The following SEMA3A variants were observed in gnomAD, a reference collection of about 807,000 sequenced individuals.
The protein encoded by SEMA3A is semaphorin 3A.
A neutral mutation model predicts 97.9 loss-of-function variants in SEMA3A; 29 were observed. The observed-to-expected ratio is 0.30, with a 90% CI of 0.22 to 0.40. The LOEUF (loss-of-function observed/expected upper bound fraction) is 0.40, where lower values mean the gene tolerates loss of function less well. SEMA3A is among the 10% of genes least tolerant of loss of function. The pLI is 1.00. For missense variants in SEMA3A, 763 were observed against 951.3 expected, an observed-to-expected ratio of 0.80 and a Z score of 2.60; for synonymous variants, 321 against 323.7, an observed-to-expected ratio of 0.99 and a Z score of 0.09.
intron 1 of SEMA3A, among the ~76,000 whole-genome samples, chr7:84,391,496 C>T (rs1256848140): frequency 1.3e-5 from 2 of 152,020 alleles, no homozygotes; most frequent in African/African-American, 4.8e-5. Context: ...AAAAATACCT[C>T]CCTCAGTGAT....
chr7:84,166,305 G>A (rs1797203705), intron 1 of SEMA3A, among the ~76,000 whole-genome samples: 1 of 151,304 alleles, frequency 6.6e-6, no homozygotes, highest in Non-Finnish European at 1.5e-5. Flanking sequence ...CGGGCGCAGT[G>A]GCTCACACCT....
At chr7:84,008,309 G>T (rs2116404636) in intron 9 of SEMA3A, among the ~76,000 whole-genome samples, 1 of 152,092 alleles carries the variant, frequency 6.6e-6, no homozygotes, top group East Asian at 1.9e-4. Flanking sequence ...GGCTAACACG[G>T]TGAAACCCCG....
At chr7:84,484,145 T>C (rs1206608713) in intron 1 of SEMA3A, among the ~76,000 whole-genome samples, 2 of 152,094 alleles carry the variant, frequency 1.3e-5, no homozygotes, top group African/African-American at 4.8e-5. Context: ...AAAAACAGTG[T>C]TGATAATAAT....
chr7:84,136,770 A>C (rs886230230), intron 1 of SEMA3A, among the ~76,000 whole-genome samples: 6 of 152,096 alleles, frequency 3.9e-5, no homozygotes, highest in Non-Finnish European at 8.8e-5. Flanking sequence ...TGGAATATCT[A>C]TCTTTTTATA....
chr7:84,323,806 A>G (rs1371179957), intron 2 of SEMA3A, among the ~76,000 whole-genome samples: 2 of 152,198 alleles, frequency 1.3e-5, no homozygotes, highest in East Asian at 3.8e-4. Flanking sequence ...TTTTTAATTT[A>G]GAATTTAATT....
chr7:84,017,364 A>G (rs965098332), intron 6 of SEMA3A, among the ~76,000 whole-genome samples: 1 of 152,312 alleles, frequency 6.6e-6, no homozygotes, highest in East Asian at 1.9e-4. Context: ...AATATATGAT[A>G]ACTACAGATG....
chr7:84,299,709 G>C (rs1357108981), intron 3 of SEMA3A, among the ~76,000 whole-genome samples: 1 of 151,582 alleles, frequency 6.6e-6, no homozygotes, highest in African/African-American at 2.4e-5. Flanking sequence ...GGAACGTGAA[G>C]ACCATGTCAA....
At chr7:84,218,123 T>C (rs371995143) in intron 3 of SEMA3A, among the ~76,000 whole-genome samples, 2 of 152,148 alleles carry the variant, frequency 1.3e-5, no homozygotes, top group East Asian at 1.9e-4. Flanking sequence ...AAATGTTACA[T>C]TTGTATAGTA....
chr7:84,123,753 T>G (rs1795705179), intron 3 of SEMA3A, among the ~76,000 whole-genome samples: 1 of 71,302 alleles, frequency 1.4e-5, no homozygotes, highest in Non-Finnish European at 2.8e-5. Flanking sequence ...TACAATTTAT[T>G]TCTTATTGTT....
chr7:84,286,329 A>G (rs961733540), intron 3 of SEMA3A, among the ~76,000 whole-genome samples: 1 of 152,206 alleles, frequency 6.6e-6, no homozygotes, highest in Non-Finnish European at 1.5e-5. Flanking sequence ...TGTAGAACAG[A>G]TCAAGAGTAA....
chr7:83,990,946 C>T (rs1456575338), intron 12 of SEMA3A, among the ~76,000 whole-genome samples: 1 of 152,132 alleles, frequency 6.6e-6, no homozygotes, highest in Non-Finnish European at 1.5e-5. Flanking sequence ...TCTTCCTACC[C>T]ATGAGCATGG....
chr7:84,346,854 G>A (rs1802312105), intron 2 of SEMA3A, among the ~76,000 whole-genome samples: 1 of 152,224 alleles, frequency 6.6e-6, no homozygotes, highest in South Asian at 2.1e-4. Flanking sequence ...AGGGTTGCCA[G>A]AAACCGCTGG....
chr7:84,368,939 C>A (rs1802913006), intron 2 of SEMA3A, among the ~76,000 whole-genome samples: 1 of 150,810 alleles, frequency 6.6e-6, no homozygotes, highest in South Asian at 2.1e-4. Context: ...TTATATCAAT[C>A]ATGAATCTTC....
In SEMA3A at chr7:84,411,494, A is replaced by C. The variant is rs548640730; in HGVS notation, c.-245-39594T>G. Among the ~76,000 whole-genome samples, 98 of 151,992 alleles carry C rather than the reference A, an allele frequency of 6.4e-4. 2 individuals are homozygous for C. The South Asian group carries it at 0.019, about 30-fold the overall frequency. The stretch of plus-strand genomic sequence containing the variant: ...ATCAGCCTAACCAGTCTTTTGTATT[A>C]AACCTATTTCAAAAATAATAGACTA... On this transcript the variant is annotated intron_variant, in intron 1 of 3. Transcript: ENST00000424555.
At chr7:84,358,928 G>A (rs62472601) in intron 2 of SEMA3A, among the ~76,000 whole-genome samples, 43,499 of 151,638 alleles carry the variant, frequency 0.29, 6,672 homozygotes, top group African/African-American at 0.38. Flanking sequence ...TCATGATTTG[G>A]CTGTTTGTCT....
chr7:83,972,421 A>G (rs770576622), intron 15 of SEMA3A, among the ~76,000 whole-genome samples: 31 of 152,100 alleles, frequency 2.0e-4, no homozygotes, highest in Non-Finnish European at 4.1e-4. Flanking sequence ...AACATCTGGT[A>G]TGTTTTATTT....
At chr7:84,323,120 T>C (rs1032914680) in intron 2 of SEMA3A, among the ~76,000 whole-genome samples, 1 of 152,220 alleles carries the variant, frequency 6.6e-6, no homozygotes, top group African/African-American at 2.4e-5. Context: ...AATACTATGA[T>C]TAAATGCATA....
chr7:84,360,706 T>C (rs191487714), intron 2 of SEMA3A, among the ~76,000 whole-genome samples: 54 of 152,218 alleles, frequency 3.5e-4, no homozygotes, highest in African/African-American at 1.2e-3. Flanking sequence ...ATTCTTAAAT[T>C]AGCTCAGTGT....
intron 3 of SEMA3A, among the ~76,000 whole-genome samples, chr7:84,288,592 G>A (rs1800654398): frequency 6.6e-6 from 1 of 152,058 alleles, no homozygotes; most frequent in Non-Finnish European, 1.5e-5. Flanking sequence ...CAGCTACTAG[G>A]GAGGCTGAGG....
Sources: allele counts gnomAD v4.1 joint callset (sites outside exome capture counted in the v4.1 genomes callset), GRCh38; gene constraint gnomAD v4.1.1; transcripts MANE v1.5; gene names NCBI Gene and HGNC (gene_info 2026-07-23, HGNC 2026-07-21).